ADCY3: variants seen among roughly 807,000 people sequenced by gnomAD.
ADCY3 encodes adenylate cyclase 3, also known as adenylate cyclase type 3.
In ADCY3, 70 loss-of-function variants were observed where a neutral mutation model predicts 119.4. That is an observed-to-expected ratio of 0.59 (90% CI 0.48 to 0.72). The LOEUF (loss-of-function observed/expected upper bound fraction) is 0.72, where lower values mean the gene tolerates loss of function less well. Ranked by LOEUF, ADCY3 falls within the 30% of genes least tolerant of loss-of-function variation. ADCY3 has a pLI of 0.00. For missense variants in ADCY3, 1,238 were observed against 1,541.6 expected, an observed-to-expected ratio of 0.80 and a Z score of 3.30; for synonymous variants, 672 against 621.4, an observed-to-expected ratio of 1.08 and a Z score of -1.21.
rs181815191 is a variant in ADCY3 at position 24,902,765 on chromosome 2, C to T, written c.675+15548G>A. The stretch of plus-strand genomic sequence containing the variant: ...ATTTTCCTGGCCAGGCGCAGTGGCT[C>T]GTGCCTGTAATCCCAGCACTTTGGG... On this transcript the variant is annotated intron_variant, in intron 2 of 21. Transcript: ENST00000679454. Among the ~76,000 whole-genome samples the T allele has an allele frequency of 6.6e-5, 10 of 152,278 alleles. No individual in the cohort carries two copies. The East Asian group carries it at 1.3e-3, about 21-fold the overall frequency.
At chr2:24,861,759 A>G (rs996979305) in intron 3 of ADCY3, among the ~76,000 whole-genome samples, 1 of 152,128 alleles carries the variant, frequency 6.6e-6, no homozygotes, top group Non-Finnish European at 1.5e-5. Flanking sequence ...TCCTGGCTGG[A>G]AGAGAGAAGG....
At chr2:24,843,761 G>A (rs147629248) in intron 3 of ADCY3, among the ~76,000 whole-genome samples, 7 of 152,362 alleles carry the variant, frequency 4.6e-5, no homozygotes, top group East Asian at 1.9e-4. Flanking sequence ...TGCAGGCAGC[G>A]CTCAGGAGAG....
At chr2:24,853,467 C>CT (rs745408152) in intron 3 of ADCY3, among the ~76,000 whole-genome samples, 1,714 of 115,206 alleles carry the variant, frequency 0.015, 58 homozygotes, top group East Asian at 0.077. Context: ...CGCGCCTCAT[C>CT]TTTTTTTTTT....
In ADCY3 at chr2:24,824,410, G is replaced by A. The variant is rs1353400146; in HGVS notation, c.2704C>T (p.Arg902Cys). The A allele has an allele frequency of 1.2e-6, 2 of 1,614,168 alleles. No individual in the cohort carries two copies. The highest frequency in any genetic ancestry group is 8.5e-7 in the Non-Finnish European group (1 of 1,180,026). ...VTNMLPEHVA[R>C]HFLGSKKRDE... ...CTCTTCTTGGACCCCAGGAAATGGCGTGCCACGTGCTCAGGCAACATGTTG... is the reference window on the plus strand; with the variant it reads ...CTCTTCTTGGACCCCAGGAAATGGCATGCCACGTGCTCAGGCAACATGTTG... Residue 902 changes from arginine to cysteine, a missense_variant, in exon 17 of 22, where the codon CGC becomes TGC. This residue lies in a region of ADCY3 where 499 missense variants were observed against 571.0 expected (regional missense o/e 0.87). Coordinates refer to ENST00000679454, the MANE Select transcript of ADCY3 (RefSeq NM_004036.5).
chr2:24,823,686 GCTA>G (rs1252682906), intron 17 of ADCY3, among the ~76,000 whole-genome samples: 4 of 115,428 alleles, frequency 3.5e-5, no homozygotes, highest in Admixed American at 1.2e-4. Flanking sequence ...ATAGCTCATC[GCTA>G]CTTTTTTTTT....
At chr2:24,892,051 T>C (rs115112830) in intron 2 of ADCY3, among the ~76,000 whole-genome samples, 4,319 of 152,348 alleles carry the variant, frequency 0.028, 83 homozygotes, top group South Asian at 0.051. Context: ...TTTGTCTGCG[T>C]CTGCTAATTT....
rs1391060383 is a variant in ADCY3 at position 24,841,535 on chromosome 2, C to T, written c.1068+21G>A. ...ATGAGGGCAGGCCCCGCTGGAGAGC[C>T]AGGCGGGGCCAGGGACTTACAGCTG... On this transcript the variant is annotated intron_variant, in intron 5 of 21. Transcript: ENST00000679454. The surrounding 1 kb of genome is among the most constrained non-coding windows in gnomAD (Gnocchi z 5.8). 1 of 1,608,230 alleles carries T rather than the reference C, an allele frequency of 6.2e-7. No individual in the cohort carries two copies. Among genetic ancestry groups the T allele is most frequent in the Admixed American group, 1.7e-5 (1 of 59,302 alleles).
In ADCY3 at chr2:24,834,675, C is replaced by CA; in HGVS notation, c.1806-30dup. On this transcript the variant is annotated intron_variant, in intron 10 of 21. Coordinates refer to ENST00000679454, the MANE Select transcript of ADCY3 (RefSeq NM_004036.5). This position sits in a 1 kb window ranked among gnomAD's most constrained non-coding sequence, Gnocchi z 4.2. ...CAGTGGGAACAAGCCCCATGAATCC[C>CA]AAATGCCACATCTGCCTTGGCCTAG... 1 of 1,608,720 alleles carries CA rather than the reference C, an allele frequency of 6.2e-7. No homozygotes were observed. The highest frequency in any genetic ancestry group is 1.1e-5 in the South Asian group (1 of 90,980).
At chr2:24,877,520 TCAGA>T (rs780844988) in intron 2 of ADCY3, among the ~76,000 whole-genome samples, 2 of 152,026 alleles carry the variant, frequency 1.3e-5, no homozygotes, top group Non-Finnish European at 2.9e-5. Flanking sequence ...ATCTAGAACA[TCAGA>T]CAGAGCAGAC....
chr2:24,824,170 C>T (rs1668253554), intron 17 of ADCY3, among the ~76,000 whole-genome samples: 1 of 152,212 alleles, frequency 6.6e-6, no homozygotes. Flanking sequence ...GCTGTACGGC[C>T]CACATCACGA....
intron 3 of ADCY3, among the ~76,000 whole-genome samples, chr2:24,861,466 C>G (rs952077016): frequency 1.3e-5 from 2 of 152,148 alleles, no homozygotes; most frequent in African/African-American, 4.8e-5. Flanking sequence ...CTGACACTGA[C>G]CTCAAATGGC....
At chr2:24,892,725 T>C (rs186773346) in intron 2 of ADCY3, among the ~76,000 whole-genome samples, 9 of 152,392 alleles carry the variant, frequency 5.9e-5, no homozygotes, top group Non-Finnish European at 2.9e-5. Flanking sequence ...TTTTGATGAA[T>C]TGATTCCTCT....
chr2:24,857,140 T>C (rs550751367), intron 3 of ADCY3, among the ~76,000 whole-genome samples: 2 of 152,322 alleles, frequency 1.3e-5, no homozygotes, highest in African/African-American at 4.8e-5. Context: ...GCTCTTACCC[T>C]GCCAGAGCAG....
chr2:24,849,807 C>T (rs1290600077), intron 3 of ADCY3, among the ~76,000 whole-genome samples: 1 of 152,162 alleles, frequency 6.6e-6, no homozygotes, highest in Non-Finnish European at 1.5e-5. Flanking sequence ...CTCCCCCTGC[C>T]ACCCCCCAAG....
chr2:24,883,150 C>T (rs745881157), intron 2 of ADCY3, among the ~76,000 whole-genome samples: 1 of 152,102 alleles, frequency 6.6e-6, no homozygotes, highest in African/African-American at 2.4e-5. Context: ...GAGTTCAAGA[C>T]TAGCCTGGCC....
intron 3 of ADCY3, among the ~76,000 whole-genome samples, chr2:24,853,762 A>G (rs1672675591): frequency 2.0e-5 from 3 of 152,168 alleles, no homozygotes; most frequent in Admixed American, 2.0e-4. Context: ...CTGAAATTAC[A>G]GGCATGAGCC....
intron 3 of ADCY3, among the ~76,000 whole-genome samples, chr2:24,859,555 T>A (rs1223063034): frequency 2.6e-5 from 4 of 152,174 alleles, no homozygotes; most frequent in Non-Finnish European, 5.9e-5. Flanking sequence ...GGGGAAACAG[T>A]GACCAGGCTT....
At chr2:24,913,263 C>A (rs1664022294) in intron 2 of ADCY3, among the ~76,000 whole-genome samples, 2 of 152,248 alleles carry the variant, frequency 1.3e-5, no homozygotes, top group African/African-American at 4.8e-5. Flanking sequence ...AGCCCCCTGC[C>A]TTTCTCAAGT....
intron 3 of ADCY3, among the ~76,000 whole-genome samples, chr2:24,863,328 C>T (rs541344805): frequency 6.6e-6 from 1 of 152,110 alleles, no homozygotes; most frequent in Non-Finnish European, 1.5e-5. Flanking sequence ...ACTGGCCTAG[C>T]CTCCATACAG....
Sources: gnomAD v4.1 joint callset for allele counts (sites outside exome capture counted in the v4.1 genomes callset) on GRCh38, gnomAD v4.1.1 for gene constraint, gnomAD v4.1.1 regional missense constraint, Gnocchi (gnomAD v3.1) non-coding constraint, MANE v1.5 for transcripts, NCBI Gene and HGNC (gene_info 2026-07-23, HGNC 2026-07-21) for gene names.